The following PCDHA4 variants were observed in gnomAD, a reference collection of about 807,000 sequenced individuals.
PCDHA4 encodes protocadherin alpha-4.
PCDHA4 carries 49 observed loss-of-function variants against 61.4 expected under a neutral mutation model. That is an observed-to-expected ratio of 0.80 (90% CI 0.63 to 1.01). PCDHA4 has a LOEUF of 1.01. Among genes scored for constraint, PCDHA4 ranks in the 50% least tolerant of loss-of-function variants. The pLI, the probability that PCDHA4 is intolerant of heterozygous loss-of-function variation, is 0.00. For missense variants in PCDHA4, 1,254 were observed against 1,235.8 expected, an observed-to-expected ratio of 1.01 and a Z score of -0.22; for synonymous variants, 590 against 550.3, an observed-to-expected ratio of 1.07 and a Z score of -1.01.
chr5:140,831,844 G>A (rs547068753), intron 1 of PCDHA4, among the ~76,000 whole-genome samples: 1 of 152,224 alleles, frequency 6.6e-6, no homozygotes, highest in South Asian at 2.1e-4. Context: ...TGATAGAATT[G>A]TCATAAAGCT....
rs200439538 is a variant in PCDHA4, at chr5:140,842,555, G to T, written c.2385+32983G>T. On this transcript the variant is annotated intron_variant, in intron 1 of 3. Transcript: ENST00000530339. ...TTACTACTCGTTGGTGCTGGACAGC[G>T]CCCTGGACCGCGAGAGAGTGTCGGC... The T allele has an allele frequency of 1.4e-6, 2 of 1,465,832 alleles. No homozygotes were observed. Among genetic ancestry groups the T allele is most frequent in the Non-Finnish European group, 1.9e-6 (2 of 1,075,884 alleles). The allele number at this position is 1,465,832 out of a possible 1,614,324, so 90.8% of individuals were successfully genotyped here. A position where few individuals can be genotyped will look rare whatever the true frequency, so the allele number is the denominator to read the frequency against.
At chr5:140,882,488 C>T in intron 1 of PCDHA4, 6 of 1,614,074 alleles carry the variant, frequency 3.7e-6, no homozygotes, top group South Asian at 1.1e-5. Context: ...ACACGGGGAC[C>T]TTCTGGAGGT....
At chr5:140,880,010 A>G (rs958851507) in intron 1 of PCDHA4, among the ~76,000 whole-genome samples, 1 of 152,232 alleles carries the variant, frequency 6.6e-6, no homozygotes, top group African/African-American at 2.4e-5. Flanking sequence ...TATTCACCAT[A>G]TAAAGTAAAA....
intron 1 of PCDHA4, chr5:140,926,761 T>G: frequency 7.6e-7 from 1 of 1,323,628 alleles, no homozygotes; most frequent in East Asian, 2.8e-5. Context: ...TCGCTGAGTA[T>G]CCAGCCCGCA....
chr5:140,997,995 T>C (rs573319923), intron 3 of PCDHA4, among the ~76,000 whole-genome samples: 1 of 152,304 alleles, frequency 6.6e-6, no homozygotes, highest in East Asian at 1.9e-4. Flanking sequence ...CATACTTCCC[T>C]CTGAGCCTTC....
At chr5:140,854,786 T>C (rs1450624058) in intron 1 of PCDHA4, 1 of 149,564 alleles carries the variant, frequency 6.7e-6, no homozygotes, top group Admixed American at 6.7e-5. Context: ...TTCAAGAACT[T>C]TGAGAGAGAA....
Position 140,882,649 on chromosome 5 carries a change from C to T in PCDHA4, c.2385+73077C>T, listed in dbSNP as rs559940161. On this transcript the variant is annotated intron_variant, in intron 1 of 3. Transcript: ENST00000530339. ...TGGAGGTGAAGGTGAGGGACATTAA[C>T]GACAACCCGCCCATATTCCCTGAAA... The T allele has an allele frequency of 6.2e-6, 10 of 1,614,214 alleles. No individual in the cohort carries two copies. In the African/African-American group the frequency reaches 1.1e-4, roughly 17 times the overall value.
At chr5:140,828,833 G>A (rs2150159490) in intron 1 of PCDHA4, 2 of 1,614,186 alleles carry the variant, frequency 1.2e-6, no homozygotes, top group Non-Finnish European at 8.5e-7. Context: ...GTCTGAATAC[G>A]AAGTAAGAAT....
chr5:140,853,035 T>C (rs1292351508), intron 1 of PCDHA4: 9 of 256,094 alleles, frequency 3.5e-5, no homozygotes, highest in South Asian at 1.5e-4. Context: ...CCTGCCACCA[T>C]GCCCGCCTAA....
At chr5:140,948,735 A>C (rs756182090) in intron 1 of PCDHA4, among the ~76,000 whole-genome samples, 3 of 151,562 alleles carry the variant, frequency 2.0e-5, no homozygotes, top group Non-Finnish European at 4.4e-5. Flanking sequence ...AGTCTAGCTG[A>C]GAATTTATCA....
intron 1 of PCDHA4, among the ~76,000 whole-genome samples, chr5:140,917,639 C>T (rs151007423): frequency 1.6e-4 from 25 of 152,268 alleles, no homozygotes; most frequent in African/African-American, 5.8e-4. Flanking sequence ...AGCTAGTTAT[C>T]CCAGCAATAT....
chr5:140,944,334 C>T (rs547924304), intron 1 of PCDHA4, among the ~76,000 whole-genome samples: 131 of 152,138 alleles, frequency 8.6e-4, no homozygotes, highest in African/African-American at 3.0e-3. Flanking sequence ...ATTACAAGCA[C>T]GTGCCACCAC....
chr5:140,851,165 G>T, intron 1 of PCDHA4: 1 of 1,284,508 alleles, frequency 7.8e-7, no homozygotes, highest in Non-Finnish European at 1.0e-6. Flanking sequence ...ATGCTATGCT[G>T]CCATAACACT....
intron 1 of PCDHA4, chr5:140,858,161 G>T: frequency 6.3e-7 from 1 of 1,597,836 alleles, no homozygotes; most frequent in Non-Finnish European, 8.6e-7. Flanking sequence ...CATCTGCGCG[G>T]TGTCCAGCTT....
At chr5:140,876,684 C>T (rs973560970) in intron 1 of PCDHA4, 29 of 1,614,110 alleles carry the variant, frequency 1.8e-5, no homozygotes, top group Admixed American at 3.3e-5. Flanking sequence ...ACAAGAATTA[C>T]TACTCGTTGG....
intron 1 of PCDHA4, chr5:140,876,605 A>T (rs1582292779): frequency 6.2e-7 from 1 of 1,614,060 alleles, no homozygotes; most frequent in South Asian, 1.1e-5. Context: ...TCGGATCGTG[A>T]CTCTGGAGCC....
intron 2 of PCDHA4, 171 bp from the exon 3 acceptor site, chr5:140,982,304 C>G: frequency 8.0e-7 from 1 of 1,244,768 alleles, no homozygotes. Context: ...AGCAATGCTT[C>G]TGCAGTTTAT....
At position 140,928,541 on chromosome 5, in the gene PCDHA4, A is replaced by T. The variant is rs149868042; in HGVS notation, c.2386-50408A>T. Reference sequence around the variant, plus strand: ...AACTTGTTTGTGGTAGATAGGAATGACAATTATCCGGTTATCTTGTTTCCC... The same window carrying T: ...AACTTGTTTGTGGTAGATAGGAATGTCAATTATCCGGTTATCTTGTTTCCC... On this transcript the variant is annotated intron_variant, in intron 1 of 3. Transcript: ENST00000530339. 1,755 of 1,614,192 alleles carry T rather than the reference A, an allele frequency of 1.1e-3. 11 individuals carry two copies. In the African/African-American group the frequency reaches 0.015, roughly 13 times the overall value.
At chr5:140,976,992 A>G (rs1421149242) in intron 1 of PCDHA4, among the ~76,000 whole-genome samples, 3 of 152,200 alleles carry the variant, frequency 2.0e-5, no homozygotes, top group Admixed American at 2.0e-4. Context: ...TTACTGCCAT[A>G]AGAAATCTTG....
Sources: gnomAD v4.1 joint callset for allele counts (sites outside exome capture counted in the v4.1 genomes callset) on GRCh38, gnomAD v4.1.1 for gene constraint, MANE v1.5 for transcripts, NCBI Gene and HGNC (gene_info 2026-07-23, HGNC 2026-07-21) for gene names.